ASTN2: variants seen among roughly 807,000 people sequenced by gnomAD.
ASTN2 encodes astrotactin-2.
ASTN2 carries 54 observed loss-of-function variants against 139.8 expected under a neutral mutation model. That is an observed-to-expected ratio of 0.39 (90% confidence interval 0.31 to 0.48). The LOEUF is 0.48. Among genes scored for constraint, ASTN2 ranks in the 20% least tolerant of loss-of-function variants. The pLI is 0.95. For missense variants in ASTN2, 1,565 were observed against 1,725.1 expected, an observed-to-expected ratio of 0.91 and a Z score of 1.64; for synonymous variants, 756 against 719.5, an observed-to-expected ratio of 1.05 and a Z score of -0.81.
chr9:117,340,815 T>C (rs914605780), intron 1 of ASTN2, among the ~76,000 whole-genome samples: 2 of 152,208 alleles, frequency 1.3e-5, no homozygotes, highest in African/African-American at 2.4e-5. Context: ...CCGGTCCCAG[T>C]TCCAACAGTG....
At chr9:116,924,726 G>T (rs914929588) in intron 10 of ASTN2, among the ~76,000 whole-genome samples, 3 of 152,128 alleles carry the variant, frequency 2.0e-5, no homozygotes, top group Non-Finnish European at 4.4e-5. Context: ...TGAGCAGTGA[G>T]GATGACCAGA....
intron 3 of ASTN2, among the ~76,000 whole-genome samples, chr9:117,182,950 A>G (rs961425891): frequency 5.3e-5 from 8 of 152,302 alleles, no homozygotes; most frequent in African/African-American, 1.4e-4. Flanking sequence ...TTGTCAATTA[A>G]AAAATAAAAC....
At chr9:117,254,473 C>G (rs1366159506) in intron 2 of ASTN2, among the ~76,000 whole-genome samples, 1 of 152,212 alleles carries the variant, frequency 6.6e-6, no homozygotes, top group Admixed American at 6.5e-5. Flanking sequence ...CTGAGCACCT[C>G]TGAAGGGTGA....
At chr9:117,344,937 G>T (rs1237239940) in intron 1 of ASTN2, among the ~76,000 whole-genome samples, 3 of 152,072 alleles carry the variant, frequency 2.0e-5, no homozygotes, top group Admixed American at 6.6e-5. Flanking sequence ...CAGGAATGTT[G>T]ATATCAACAC....
At chr9:117,296,609 T>C (rs1834743814) in intron 1 of ASTN2, among the ~76,000 whole-genome samples, 2 of 152,212 alleles carry the variant, frequency 1.3e-5, no homozygotes, top group Admixed American at 1.3e-4. Context: ...GGGGACTAAA[T>C]GCATTGGGTC....
chr9:116,766,163 A>C (rs931259759), intron 13 of ASTN2, among the ~76,000 whole-genome samples: 3 of 152,104 alleles, frequency 2.0e-5, no homozygotes, highest in Non-Finnish European at 4.4e-5. Flanking sequence ...TCCTATACAA[A>C]TGGCCTAAAA....
intron 3 of ASTN2, among the ~76,000 whole-genome samples, chr9:117,176,426 T>TA (rs34502758): frequency 3.9e-5 from 6 of 152,182 alleles, no homozygotes; most frequent in Non-Finnish European, 8.8e-5. Context: ...ATTTTAAATG[T>TA]AAAAAAATCC....
intron 19 of ASTN2, among the ~76,000 whole-genome samples, chr9:116,490,629 T>G (rs1041524304): frequency 6.6e-6 from 1 of 152,154 alleles, no homozygotes; most frequent in Non-Finnish European, 1.5e-5. Flanking sequence ...CTTACAATCA[T>G]GGCGGAAGGC....
chr9:117,092,751 G>A (rs1238474526), intron 5 of ASTN2, among the ~76,000 whole-genome samples: 1 of 152,128 alleles, frequency 6.6e-6, no homozygotes, highest in Non-Finnish European at 1.5e-5. Flanking sequence ...TCACCGCTGG[G>A]CTGGCTCACA....
intron 1 of ASTN2, among the ~76,000 whole-genome samples, chr9:117,355,578 G>T (rs1368318515): frequency 6.6e-6 from 1 of 152,294 alleles, no homozygotes; most frequent in African/African-American, 2.4e-5. Flanking sequence ...GGTGGGAGTG[G>T]AGGCTGAGGG....
intron 4 of ASTN2, among the ~76,000 whole-genome samples, chr9:117,099,408 A>G (rs1828919504): frequency 6.6e-6 from 1 of 152,114 alleles, no homozygotes; most frequent in Non-Finnish European, 1.5e-5. Flanking sequence ...TCCTAAACAC[A>G]TGACCTGTTA....
intron 16 of ASTN2, among the ~76,000 whole-genome samples, chr9:116,678,671 G>A (rs911544821): frequency 1.1e-4 from 16 of 152,158 alleles, no homozygotes; most frequent in Admixed American, 8.5e-4. Context: ...GTATAAACAA[G>A]ATGGCTAAGA....
At chr9:116,866,395 G>A (rs1311165431) in intron 10 of ASTN2, among the ~76,000 whole-genome samples, 1 of 152,196 alleles carries the variant, frequency 6.6e-6, no homozygotes, top group East Asian at 1.9e-4. Context: ...GAAGGGTGAG[G>A]TGCTACAGGA....
intron 5 of ASTN2, among the ~76,000 whole-genome samples, chr9:117,072,738 T>A (rs190470629): frequency 1.3e-4 from 20 of 152,324 alleles, no homozygotes; most frequent in East Asian, 9.6e-4. Context: ...TTATTTATTT[T>A]TTTAGCAGTG....
At position 117,088,622 on chromosome 9, in the gene ASTN2, C is replaced by G. The variant is rs377077382; in HGVS notation, c.1276+7422G>C. On this transcript the variant is annotated intron_variant, in intron 5 of 22. Coordinates refer to ENST00000313400, the MANE Select transcript of ASTN2 (RefSeq NM_001365068.1). Reference sequence around the variant, plus strand: ...GGTTCTTAGTTACAGAAAATCCCAGCTTAGGAATTGCCAAATTAAAACAAG... The same window carrying G: ...GGTTCTTAGTTACAGAAAATCCCAGGTTAGGAATTGCCAAATTAAAACAAG... Among the ~76,000 whole-genome samples the G allele has an allele frequency of 2.6e-5, 4 of 152,296 alleles. No homozygotes were observed. The East Asian group carries it at 5.8e-4, about 22-fold the overall frequency.
intron 11 of ASTN2, among the ~76,000 whole-genome samples, chr9:116,858,214 A>G (rs574225895): frequency 2.6e-5 from 4 of 152,296 alleles, no homozygotes; most frequent in African/African-American, 9.6e-5. Context: ...CTGATTCACA[A>G]ATCTATAGAC....
chr9:117,126,453 G>A (rs1022050689), intron 4 of ASTN2, among the ~76,000 whole-genome samples: 7 of 152,210 alleles, frequency 4.6e-5, no homozygotes, highest in Non-Finnish European at 8.8e-5. Flanking sequence ...GGTTGTTACA[G>A]TAATACATGT....
At chr9:116,516,756 C>T (rs1249483843) in intron 19 of ASTN2, among the ~76,000 whole-genome samples, 1 of 152,196 alleles carries the variant, frequency 6.6e-6, no homozygotes, top group Non-Finnish European at 1.5e-5. Context: ...TGGAAATAGG[C>T]TTGGTGCTGT....
At chr9:117,340,079 C>T (rs1286324023) in intron 1 of ASTN2, among the ~76,000 whole-genome samples, 1 of 151,844 alleles carries the variant, frequency 6.6e-6, no homozygotes, top group African/African-American at 2.4e-5. Flanking sequence ...GTCCTCATCC[C>T]ACACACACCT....
Sources: gnomAD v4.1 joint callset for allele counts (sites outside exome capture counted in the v4.1 genomes callset) on GRCh38, gnomAD v4.1.1 for gene constraint, MANE v1.5 for transcripts, NCBI Gene and HGNC (gene_info 2026-07-23, HGNC 2026-07-21) for gene names.